Variants in PTPRE observed in about 807,000 individuals in gnomAD.
PTPRE encodes protein tyrosine phosphatase receptor type E.
PTPRE carries 51 observed loss-of-function variants against 102.0 expected under a neutral mutation model. The observed-to-expected ratio is 0.50, with a 90% CI of 0.40 to 0.63. The LOEUF (loss-of-function observed/expected upper bound fraction) is 0.63, where lower values mean the gene tolerates loss of function less well. Among genes scored for constraint, PTPRE ranks in the 30% least tolerant of loss-of-function variants. PTPRE has a pLI of 0.00. For missense variants in PTPRE, 752 were observed against 915.1 expected, an observed-to-expected ratio of 0.82 and a Z score of 2.30; for synonymous variants, 345 against 348.2, an observed-to-expected ratio of 0.99 and a Z score of 0.10.
intron 1 of PTPRE, among the ~76,000 whole-genome samples, chr10:127,919,213 C>A (rs1294739997): frequency 6.6e-6 from 1 of 152,196 alleles, no homozygotes; most frequent in African/African-American, 2.4e-5. Flanking sequence ...ATGAAAATTT[C>A]ACTCATTTCT....
rs1487775569 is a variant in PTPRE at position 128,061,942 on chromosome 10, G to C, written c.625+227G>C. 3.3e-5 allele frequency among the ~76,000 whole-genome samples: 5 copies of C among 152,206 alleles called. No individual in the cohort carries two copies. In the South Asian group the frequency reaches 6.2e-4, roughly 19 times the overall value. ...GAACACAGGGCACGCAATGGCCCCG[G>C]CTGCCATTCCAGCTTGTTAATACTT... On this transcript the variant is annotated intron_variant, in intron 9 of 20. Coordinates refer to ENST00000254667, the MANE Select transcript of PTPRE (RefSeq NM_006504.6).
chr10:128,031,734 AG>A (rs1371670850), intron 2 of PTPRE, among the ~76,000 whole-genome samples: 1 of 152,172 alleles, frequency 6.6e-6, no homozygotes. Flanking sequence ...GTGAATCTTC[AG>A]GGCAGCAAAA....
intron 1 of PTPRE, among the ~76,000 whole-genome samples, chr10:127,925,089 G>A (rs1478503359): frequency 6.6e-6 from 1 of 152,234 alleles, no homozygotes; most frequent in Non-Finnish European, 1.5e-5. Flanking sequence ...CAGCACACCT[G>A]AGGGCTTGGC....
chr10:128,051,539 C>T (rs1040423616), intron 6 of PTPRE, among the ~76,000 whole-genome samples: 2 of 152,266 alleles, frequency 1.3e-5, no homozygotes, highest in Non-Finnish European at 2.9e-5. Flanking sequence ...CACAGCTACT[C>T]ATCCTGCCAT....
At chr10:127,991,284 G>A (rs1360026517) in intron 2 of PTPRE, among the ~76,000 whole-genome samples, 1 of 152,232 alleles carries the variant, frequency 6.6e-6, no homozygotes, top group African/African-American at 2.4e-5. Flanking sequence ...CCGACATTCT[G>A]TTATGCTGTT....
chr10:128,006,079 A>T (rs1282751257), intron 2 of PTPRE, among the ~76,000 whole-genome samples: 2 of 152,130 alleles, frequency 1.3e-5, no homozygotes, highest in African/African-American at 4.8e-5. Flanking sequence ...ATCTGCAATG[A>T]CCCTATTTCT....
At chr10:127,950,024 C>T (rs1294677747) in intron 1 of PTPRE, among the ~76,000 whole-genome samples, 1 of 151,930 alleles carries the variant, frequency 6.6e-6, no homozygotes, top group South Asian at 2.1e-4. Flanking sequence ...ATCTCTGGAC[C>T]CGCCCCCACC....
intron 1 of PTPRE, among the ~76,000 whole-genome samples, chr10:127,922,383 C>T (rs559004884): frequency 7.2e-5 from 11 of 152,346 alleles, no homozygotes; most frequent in African/African-American, 2.6e-4. Context: ...CCGTAAGGGG[C>T]TGTCTGTGCG....
Position 128,070,167 on chromosome 10 carries a change from C to A in PTPRE, c.1144-134C>A, listed in dbSNP as rs1243878333. 1.7e-5 allele frequency: 18 copies of A among 1,086,896 alleles called. No individual in the cohort carries two copies. Among genetic ancestry groups the A allele is most frequent in the Non-Finnish European group, 2.4e-5 (18 of 764,304 alleles). The allele number at this position is 1,086,896 out of a possible 1,614,324, so 67.3% of individuals were successfully genotyped here. A position where few individuals can be genotyped will look rare whatever the true frequency, so the allele number is the denominator to read the frequency against. On this transcript the variant is annotated intron_variant, in intron 13 of 20. Transcript: ENST00000254667. This position sits in a 1 kb window ranked among gnomAD's most constrained non-coding sequence, Gnocchi z 4.8. ...TCGTTATCCGTGGCCGGTACTCTGA[C>A]TCTTGCCTCACACCTCCTTGTGTTG... is the stretch of plus-strand genomic sequence containing the variant.
intron 1 of PTPRE, among the ~76,000 whole-genome samples, chr10:127,938,212 C>A (rs1048863504): frequency 3.3e-5 from 5 of 152,104 alleles, no homozygotes; most frequent in Non-Finnish European, 7.4e-5. Context: ...ATGAGATAAT[C>A]GTTGTAAAGG....
intron 7 of PTPRE, among the ~76,000 whole-genome samples, chr10:128,056,674 G>A (rs1454885780): frequency 2.0e-5 from 3 of 152,180 alleles, no homozygotes; most frequent in East Asian, 1.9e-4. Context: ...AATAGAATAC[G>A]AAATTTGTAG....
chr10:127,920,766 G>A (rs533921342), intron 1 of PTPRE, among the ~76,000 whole-genome samples: 15 of 152,342 alleles, frequency 9.8e-5, no homozygotes, highest in African/African-American at 2.2e-4. Context: ...TCATAGGGGC[G>A]TTGACTTACA....
chr10:128,065,117 G>T (rs1564951128), intron 10 of PTPRE, among the ~76,000 whole-genome samples: 2 of 144,398 alleles, frequency 1.4e-5, no homozygotes, highest in Non-Finnish European at 3.1e-5. Context: ...CAGCCCCGCA[G>T]CCCCGCCCGG....
intron 12 of PTPRE, 120 bp from the exon 13 acceptor site, chr10:128,069,572 A>G: frequency 7.2e-7 from 1 of 1,396,492 alleles, no homozygotes. Flanking sequence ...TTTGCTCCTA[A>G]TTAACCAAAA....
At chr10:127,936,497 CAG>C (rs1413306685) in intron 1 of PTPRE, among the ~76,000 whole-genome samples, 1 of 152,186 alleles carries the variant, frequency 6.6e-6, no homozygotes, top group Non-Finnish European at 1.5e-5. Context: ...CTTTCTGACA[CAG>C]AATTTCCAGG....
intron 2 of PTPRE, among the ~76,000 whole-genome samples, chr10:127,989,500 A>G (rs988451812): frequency 2.6e-5 from 4 of 152,212 alleles, no homozygotes; most frequent in African/African-American, 9.7e-5. Context: ...AGAGGGGAAA[A>G]CAGAGACCCA....
intron 8 of PTPRE, among the ~76,000 whole-genome samples, chr10:128,061,412 C>T (rs1849582352): frequency 1.3e-5 from 2 of 152,128 alleles, no homozygotes; most frequent in Admixed American, 6.5e-5. Flanking sequence ...TACATGTTCA[C>T]CCAATTAGAG....
chr10:127,957,168 T>A (rs1294704866), intron 1 of PTPRE, among the ~76,000 whole-genome samples: 1 of 152,192 alleles, frequency 6.6e-6, no homozygotes, highest in East Asian at 1.9e-4. Context: ...GTCATCTAGA[T>A]TTTTTTCTGT....
At chr10:127,908,240 C>G (rs973588340) in intron 1 of PTPRE, among the ~76,000 whole-genome samples, 3 of 152,174 alleles carry the variant, frequency 2.0e-5, no homozygotes, top group South Asian at 2.1e-4. Context: ...AGTGAATGAG[C>G]GTATAGGTGA....
Sources: allele counts gnomAD v4.1 joint callset (sites outside exome capture counted in the v4.1 genomes callset), GRCh38; gene constraint gnomAD v4.1.1; non-coding constraint Gnocchi (gnomAD v3.1); transcripts MANE v1.5; gene names NCBI Gene and HGNC (gene_info 2026-07-23, HGNC 2026-07-21).